The following CFAP251 variants were observed in gnomAD, a reference collection of about 807,000 sequenced individuals.
CFAP251 encodes cilia and flagella associated protein 251.
In CFAP251, 93 loss-of-function variants were observed where a neutral mutation model predicts 126.7. The ratio of observed to expected loss-of-function variants is 0.73; its 90% CI spans 0.62 to 0.87. CFAP251 has a LOEUF of 0.87. Ranked by LOEUF, CFAP251 falls within the 40% of genes least tolerant of loss-of-function variation. The probability of loss-of-function intolerance (pLI) is 0.00; values close to 1 mark genes in which losing one functional copy is unlikely to be tolerated. For synonymous variants in CFAP251, 503 were observed against 506.9 expected, an observed-to-expected ratio of 0.99 and a Z score of 0.10; for missense variants, 1,287 against 1,389.2, an observed-to-expected ratio of 0.93 and a Z score of 1.17.
rs2135798672 is a variant in CFAP251 at position 121,974,566 on chromosome 12, G to T, written c.2772-678G>T. Among the ~76,000 whole-genome samples the T allele has an allele frequency of 6.6e-6, 1 of 152,240 alleles. No individual in the cohort carries two copies. Among genetic ancestry groups the T allele is most frequent in the South Asian group, 2.1e-4 (1 of 4,812 alleles). ...CACTTCCCCACTGTGGTCTACATGA[G>T]GTGTGCTTGATGTCGCAGCAAAAAG... On this transcript the variant is annotated intron_variant, in intron 17 of 21. Coordinates refer to ENST00000288912, the MANE Select transcript of CFAP251 (RefSeq NM_144668.6). This position sits in a 1 kb window ranked among gnomAD's most constrained non-coding sequence, Gnocchi z 4.6.
intron 21 of CFAP251, among the ~76,000 whole-genome samples, chr12:122,002,318 G>A (rs1883168833): frequency 6.6e-6 from 1 of 152,162 alleles, no homozygotes; most frequent in Admixed American, 6.5e-5. Context: ...TCACACCATT[G>A]CACTCTAGCC....
At chr12:121,998,773 C>T (rs1883082703) in intron 19 of CFAP251, 1 of 150,710 alleles carries the variant, frequency 6.6e-6, no homozygotes, top group Non-Finnish European at 1.5e-5. Context: ...GCCTATAGTC[C>T]CAGGAACTCT....
chr12:121,993,859 C>A (rs1882951693), intron 19 of CFAP251, among the ~76,000 whole-genome samples: 1 of 126,824 alleles, frequency 7.9e-6, no homozygotes, highest in African/African-American at 3.0e-5. Flanking sequence ...GGGGTCAGCC[C>A]CCCCGCCCGG....
In CFAP251 at chr12:121,958,307, A is replaced by G. The variant is rs1202293270; in HGVS notation, c.1766A>G (p.Tyr589Cys). ...ATTGGAACATCTGATGCCGCGGTGT[A>G]CCACTTAACAACAGATGGGACCAAA... The part of the protein sequence containing the change: ...FIIGTSDAAV[Y>C]HLTTDGTKLE... Residue 589 changes from tyrosine (Y) to cysteine (C), a missense_variant, in exon 12 of 22, where the codon TAC becomes TGC. Tyr to Cys is a radical substitution (Grantham distance 194). Transcript: ENST00000288912. The G allele has an allele frequency of 2.5e-6, 4 of 1,614,186 alleles. No individual in the cohort carries two copies. The highest frequency in any genetic ancestry group is 2.2e-5 in the East Asian group (1 of 44,888).
intron 19 of CFAP251, among the ~76,000 whole-genome samples, chr12:121,979,962 G>A (rs561725130): frequency 6.6e-6 from 1 of 152,214 alleles, no homozygotes; most frequent in Non-Finnish European, 1.5e-5. Context: ...GATGTGCAGT[G>A]TAACCTAAGC....
chr12:121,924,097 T>A (rs1426302639), intron 3 of CFAP251, 107 bp downstream of exon 3: 1 of 1,348,352 alleles, frequency 7.4e-7, no homozygotes, highest in African/African-American at 1.5e-5. Flanking sequence ...AGGATACTTT[T>A]TAAACTAATA....
chr12:121,981,243 G>A (rs558417822), intron 19 of CFAP251, among the ~76,000 whole-genome samples: 1 of 152,204 alleles, frequency 6.6e-6, no homozygotes, highest in East Asian at 1.9e-4. Context: ...TGAGGCAGGA[G>A]GATCGCTTTA....
At chr12:121,963,868 C>A (rs1882032730) in intron 15 of CFAP251, among the ~76,000 whole-genome samples, 1 of 151,832 alleles carries the variant, frequency 6.6e-6, no homozygotes, top group Non-Finnish European at 1.5e-5. Flanking sequence ...CGACACAGCC[C>A]TGGCTTTGGG....
chr12:121,970,950 G>T (rs1882310657), intron 17 of CFAP251, among the ~76,000 whole-genome samples: 1 of 152,232 alleles, frequency 6.6e-6, no homozygotes, highest in Non-Finnish European at 1.5e-5. Flanking sequence ...ACAGCCCCCT[G>T]GCCCCTCTGG....
chr12:121,981,963 T>C (rs1297680068), intron 19 of CFAP251, among the ~76,000 whole-genome samples: 1 of 152,224 alleles, frequency 6.6e-6, no homozygotes, highest in Non-Finnish European at 1.5e-5. Flanking sequence ...TTTCGTACAG[T>C]ACACGGCACA....
At chr12:121,983,291 G>A (rs9668965) in intron 19 of CFAP251, among the ~76,000 whole-genome samples, 11 of 151,910 alleles carry the variant, frequency 7.2e-5, no homozygotes, top group Admixed American at 6.6e-4. Context: ...CTACCCTGGA[G>A]GCTGAGGCAG....
chr12:121,992,185 G>C (rs1400086930), intron 19 of CFAP251: 2 of 985,092 alleles, frequency 2.0e-6, no homozygotes, highest in South Asian at 4.7e-5. Flanking sequence ...CTTCACACGG[G>C]GGCGTTCAGA....
At chr12:121,979,496 C>T (rs544679179) in intron 19 of CFAP251, among the ~76,000 whole-genome samples, 1 of 150,066 alleles carries the variant, frequency 6.7e-6, no homozygotes, top group Admixed American at 6.6e-5. Flanking sequence ...CACTGCGGAG[C>T]CGCCGACATT....
rs1203243656 is a variant in CFAP251 at position 121,989,504 on chromosome 12, G to A, written c.3007-10212G>A. Among the ~76,000 whole-genome samples, 1 of 152,324 alleles carries A rather than the reference G, an allele frequency of 6.6e-6. No homozygotes were observed. The highest frequency in any genetic ancestry group is 1.5e-5 in the Non-Finnish European group (1 of 68,020). ...CACAGTGTTGCATGAATCGCAGAGG[G>A]GGCGCTCACAGGGGTCTCCAGATGT... On this transcript the variant is annotated intron_variant, in intron 19 of 21. Transcript: ENST00000288912. This position sits in a 1 kb window ranked among gnomAD's most constrained non-coding sequence, Gnocchi z 4.2.
intron 19 of CFAP251, chr12:121,998,432 AATATATATATATATATATATAT>A (rs71082926): frequency 0.017 from 1,443 of 85,618 alleles, 31 homozygotes; most frequent in Non-Finnish European, 0.024. Context: ...TTTTTAGTGT[AATATATATATATATATATATAT>A]ATATATATAT....
intron 19 of CFAP251, among the ~76,000 whole-genome samples, chr12:121,977,719 GC>G (rs1238230010): frequency 2.0e-5 from 3 of 151,236 alleles, no homozygotes; most frequent in African/African-American, 7.3e-5. Context: ...ACTTTGGGAG[GC>G]CAAGGCGGGC....
chr12:121,926,608 G>A (rs1348213690), intron 3 of CFAP251, among the ~76,000 whole-genome samples: 1 of 152,150 alleles, frequency 6.6e-6, no homozygotes, highest in Non-Finnish European at 1.5e-5. Flanking sequence ...GATTATAGGT[G>A]TGAGCTACCG....
chr12:121,976,311 C>T (rs1381867523), intron 19 of CFAP251, among the ~76,000 whole-genome samples: 3 of 152,012 alleles, frequency 2.0e-5, no homozygotes, highest in Non-Finnish European at 2.9e-5. Flanking sequence ...TCCCGGCCAG[C>T]CTTATAGGAT....
rs375350991 is a variant in CFAP251 at position 121,960,621 on chromosome 12, G to T, written c.2170G>T (p.Val724Phe). ...TACTGTGGCTGTTTACATGCTGGTG[G>T]TCAGAAATGGACAGAGGGTCTGGGA... ...SFTVAVYMLV[V>F]RNGQRVWEYL... The change falls in exon 14 of 22, where the codon GTC (valine) becomes TTC (phenylalanine). Residue 724 changes from valine (V) to phenylalanine (F), a missense_variant. Physicochemically the swap from Val to Phe is conservative, Grantham distance 50 (BLOSUM62 -1). Transcript: ENST00000288912. 3.1e-6 allele frequency: 5 copies of T among 1,614,174 alleles called. No homozygotes were observed. The highest frequency in any genetic ancestry group is 4.2e-6 in the Non-Finnish European group (5 of 1,180,000).
Sources: allele counts gnomAD v4.1 joint callset (sites outside exome capture counted in the v4.1 genomes callset), GRCh38; gene constraint gnomAD v4.1.1; non-coding constraint Gnocchi (gnomAD v3.1); transcripts MANE v1.5; gene names NCBI Gene and HGNC (gene_info 2026-07-23, HGNC 2026-07-21).